PARN: variants seen among roughly 807,000 people sequenced by gnomAD.
PARN encodes the protein poly(A)-specific ribonuclease PARN.
A neutral mutation model predicts 102.8 loss-of-function variants in PARN; 71 were observed. The observed-to-expected ratio is 0.69, with a 90% CI of 0.57 to 0.84. The LOEUF is 0.84. PARN is among the 40% of genes least tolerant of loss of function. The pLI, the probability that PARN is intolerant of heterozygous loss-of-function variation, is 0.00. For synonymous variants in PARN, 261 were observed against 252.9 expected, an observed-to-expected ratio of 1.03 and a Z score of -0.30; for missense variants, 782 against 760.9, an observed-to-expected ratio of 1.03 and a Z score of -0.33.
chr16:14,528,424 C>T (rs1966125851), intron 21 of PARN, among the ~76,000 whole-genome samples: 1 of 152,198 alleles, frequency 6.6e-6, no homozygotes, highest in South Asian at 2.1e-4. Flanking sequence ...TTAAAAGGTA[C>T]AGACAGGTGA....
intron 21 of PARN, among the ~76,000 whole-genome samples, chr16:14,500,288 G>A (rs893834978): frequency 1.3e-5 from 2 of 152,144 alleles, no homozygotes; most frequent in African/African-American, 4.8e-5. Flanking sequence ...GAACTCCTGG[G>A]CTTAAGGAAT....
intron 18 of PARN, among the ~76,000 whole-genome samples, chr16:14,561,387 A>G (rs1291526419): frequency 1.3e-5 from 2 of 152,188 alleles, no homozygotes; most frequent in Non-Finnish European, 2.9e-5. Flanking sequence ...GAAACTCTGG[A>G]CTGAGAATCA....
chr16:14,463,937 G>A (rs901979137), intron 22 of PARN, among the ~76,000 whole-genome samples: 2 of 150,190 alleles, frequency 1.3e-5, no homozygotes, highest in South Asian at 2.1e-4. Flanking sequence ...AGGCTCAAGT[G>A]ATCCTCCCAC....
chr16:14,621,911 G>C (rs1466005147), intron 5 of PARN, among the ~76,000 whole-genome samples: 2 of 152,116 alleles, frequency 1.3e-5, no homozygotes, highest in Admixed American at 6.5e-5. Context: ...GAAGAGATGA[G>C]GCTGGGAGCA....
intron 21 of PARN, among the ~76,000 whole-genome samples, chr16:14,506,597 C>T (rs1318933480): frequency 1.3e-5 from 2 of 152,170 alleles, no homozygotes; most frequent in African/African-American, 2.4e-5. Flanking sequence ...CACATATGTA[C>T]ATATTATGCT....
intron 21 of PARN, among the ~76,000 whole-genome samples, chr16:14,487,191 A>C (rs577462216): frequency 1.3e-5 from 2 of 152,252 alleles, no homozygotes; most frequent in African/African-American, 4.8e-5. Flanking sequence ...ACACAAATAA[A>C]GAGACTGAGC....
At position 14,630,257 on chromosome 16, in the gene PARN, A is replaced by C; in HGVS notation, c.-132T>G. The C allele has an allele frequency of 3.9e-6, 3 of 778,044 alleles. No individual in the cohort carries two copies. Among genetic ancestry groups the C allele is most frequent in the Non-Finnish European group, 6.1e-6 (3 of 488,492 alleles). The allele number at this position is 778,044 out of a possible 1,614,324, so 48.2% of individuals were successfully genotyped here. On this transcript the variant is annotated 5_prime_UTR_variant, in exon 1 of 24. Coordinates refer to ENST00000437198, the MANE Select transcript of PARN (RefSeq NM_002582.4). ...CGGTGACGCCGGCCGCGACTTCCGG[A>C]AACAGCGCGCGCCTGCTGCGCTTGC...
chr16:14,501,741 C>G (rs1964632081), intron 21 of PARN: 1 of 152,168 alleles, frequency 6.6e-6, no homozygotes, highest in Non-Finnish European at 1.5e-5. Flanking sequence ...ACAGCTGGCC[C>G]TCCTCCCCAG....
At chr16:14,471,839 A>G (rs1439723168) in intron 22 of PARN, among the ~76,000 whole-genome samples, 3 of 152,230 alleles carry the variant, frequency 2.0e-5, no homozygotes, top group Non-Finnish European at 2.9e-5. Flanking sequence ...ATTTACACCT[A>G]TATCTTTATC....
intron 21 of PARN, among the ~76,000 whole-genome samples, chr16:14,543,888 C>T (rs1003226752): frequency 2.0e-5 from 3 of 152,100 alleles, no homozygotes; most frequent in Non-Finnish European, 4.4e-5. Context: ...TCAGAGTCAA[C>T]AGAAGAAATA....
In PARN at chr16:14,609,070, T is replaced by C; in HGVS notation, c.608A>G (p.Glu203Gly). 1 of 1,577,256 alleles carries C rather than the reference T, an allele frequency of 6.3e-7. No homozygotes were observed. Among genetic ancestry groups the C allele is most frequent in the Non-Finnish European group, 8.7e-7 (1 of 1,151,394 alleles). Residue 203 changes from glutamate to glycine, a missense_variant, in exon 8 of 24, where the codon GAG becomes GGG. Transcript: ENST00000437198. Reference protein sequence around the residue: ...QSEENKNLDLEPCTGFQRKLI... With the variant: ...QSEENKNLDLGPCTGFQRKLI... ...CAGGACAACTAACCCGGTACATGGCTCTAAATCCAAGTTCTTGTTTTCTTC... is the reference window on the plus strand; with the variant it reads ...CAGGACAACTAACCCGGTACATGGCCCTAAATCCAAGTTCTTGTTTTCTTC...
chr16:14,508,398 A>T (rs1031275569), intron 21 of PARN, among the ~76,000 whole-genome samples: 4 of 152,074 alleles, frequency 2.6e-5, no homozygotes, highest in African/African-American at 4.8e-5. Context: ...AGCAAAATAA[A>T]TTTTTTAAAA....
intron 21 of PARN, among the ~76,000 whole-genome samples, chr16:14,519,139 G>C (rs939014203): frequency 2.0e-5 from 3 of 151,718 alleles, no homozygotes; most frequent in African/African-American, 7.3e-5. Context: ...CTTGCTATGA[G>C]AGAAAGAACG....
At position 14,586,794 on chromosome 16, in the gene PARN, T is replaced by C. The variant is rs1969884567; in HGVS notation, c.919-433A>G. ...TAAATTAAATGGTTTACACAGGAAA[T>C]GGGCATACTGTAAACTAGCTTAGAC... On this transcript the variant is annotated intron_variant, in intron 13 of 23. Coordinates refer to ENST00000437198, the MANE Select transcript of PARN (RefSeq NM_002582.4). Among the ~76,000 whole-genome samples, 3 of 152,134 alleles carry C rather than the reference T, an allele frequency of 2.0e-5. No homozygotes were observed. The South Asian group carries it at 6.2e-4, about 32-fold the overall frequency.
intron 22 of PARN, among the ~76,000 whole-genome samples, chr16:14,476,706 G>C (rs1206065424): frequency 6.6e-6 from 1 of 152,090 alleles, no homozygotes; most frequent in African/African-American, 2.4e-5. Flanking sequence ...AAAAATAAAT[G>C]AATGGGCAAG....
chr16:14,610,878 CAAA>C, intron 6 of PARN, 69 bp from the exon 7 acceptor site: 1 of 1,035,044 alleles, frequency 9.7e-7, no homozygotes. Context: ...TTTAACAAAC[CAAA>C]GAGTCTAAAT....
intron 21 of PARN, among the ~76,000 whole-genome samples, chr16:14,488,005 C>T (rs1240064471): frequency 6.6e-6 from 1 of 152,114 alleles, no homozygotes; most frequent in Non-Finnish European, 1.5e-5. Flanking sequence ...ACTTGCTTTA[C>T]TAGGTAAAAA....
intron 21 of PARN, among the ~76,000 whole-genome samples, chr16:14,542,627 T>C (rs1966848662): frequency 6.6e-6 from 1 of 151,570 alleles, no homozygotes; most frequent in Non-Finnish European, 1.5e-5. Context: ...AGAAACTCTC[T>C]ACAGAGAAAC....
intron 22 of PARN, among the ~76,000 whole-genome samples, chr16:14,449,059 GTTC>G (rs1478430708): frequency 6.6e-6 from 1 of 152,112 alleles, no homozygotes; most frequent in Non-Finnish European, 1.5e-5. Context: ...GATAATAAGG[GTTC>G]TTCTATCACG....
Sources: gnomAD v4.1 joint callset for allele counts (sites outside exome capture counted in the v4.1 genomes callset) on GRCh38, gnomAD v4.1.1 for gene constraint, MANE v1.5 for transcripts, NCBI Gene and HGNC (gene_info 2026-07-23, HGNC 2026-07-21) for gene names.